The following RABEPK variants were observed in gnomAD, a reference collection of about 807,000 sequenced individuals.
RABEPK encodes Rab9 effector protein with kelch motifs.
In RABEPK, 27 loss-of-function variants were observed where a neutral mutation model predicts 34.1. The ratio of observed to expected loss-of-function variants is 0.79; its 90% CI spans 0.58 to 1.09. The LOEUF (loss-of-function observed/expected upper bound fraction) is 1.09. Among genes scored for constraint, RABEPK ranks in the 50% least tolerant of loss-of-function variants. The pLI, the probability that RABEPK is intolerant of heterozygous loss-of-function variation, is 0.00. For synonymous variants in RABEPK, 172 were observed against 169.2 expected (o/e 1.02, Z -0.13); for missense variants, 449 against 462.6 (o/e 0.97, Z 0.27).
At chr9:125,206,368 C>T (rs1355076884) in intron 2 of RABEPK, among the ~76,000 whole-genome samples, 3 of 151,944 alleles carry the variant, frequency 2.0e-5, no homozygotes, top group Admixed American at 6.6e-5. Context: ...CATGGTGGTG[C>T]GCGCCTGTAG....
chr9:125,205,400 T>C (rs781011703), intron 2 of RABEPK, among the ~76,000 whole-genome samples: 8 of 152,254 alleles, frequency 5.3e-5, no homozygotes, highest in Non-Finnish European at 1.0e-4. Flanking sequence ...GATGGCTGTG[T>C]GCTTTTGGTA....
chr9:125,201,112 AT>A (rs1322600975), intron 1 of RABEPK, among the ~76,000 whole-genome samples: 29 of 152,204 alleles, frequency 1.9e-4, no homozygotes, highest in Non-Finnish European at 3.7e-4. Flanking sequence ...GATTCCTGCA[AT>A]GGTGATGGCT....
chr9:125,207,065 G>A (rs1830270489), intron 2 of RABEPK, among the ~76,000 whole-genome samples: 1 of 151,018 alleles, frequency 6.6e-6, no homozygotes, highest in African/African-American at 2.4e-5. Context: ...CTCCAGCCTG[G>A]GCAACAAGAG....
intron 5 of RABEPK, among the ~76,000 whole-genome samples, chr9:125,222,558 C>CA (rs1334809246): frequency 1.3e-5 from 2 of 151,290 alleles, no homozygotes; most frequent in African/African-American, 2.4e-5. Flanking sequence ...ACTAAAAATA[C>CA]AAAAAATTAA....
At chr9:125,201,649 T>C (rs148248278) in intron 1 of RABEPK, among the ~76,000 whole-genome samples, 78 of 152,156 alleles carry the variant, frequency 5.1e-4, no homozygotes, top group African/African-American at 1.7e-3. Context: ...AGTCTTGCTC[T>C]GTCGCCAGGC....
In RABEPK at chr9:125,202,458, G is replaced by T. The variant is rs1341376917; in HGVS notation, c.-6-550G>T. The stretch of plus-strand genomic sequence containing the variant: ...AATCATTTAAACCTGGGAGGGGAAG[G>T]TTGCAGTGAGTGGAGATTGCACCAC... On this transcript the variant is annotated intron_variant, in intron 1 of 7. Transcript: ENST00000373538. Among the ~76,000 whole-genome samples the T allele has an allele frequency of 2.6e-5, 4 of 151,994 alleles. No homozygotes were observed. In the East Asian group the frequency reaches 7.8e-4, roughly 29 times the overall value.
chr9:125,226,707 T>G (rs981432517), intron 5 of RABEPK, among the ~76,000 whole-genome samples: 1 of 149,458 alleles, frequency 6.7e-6, no homozygotes, highest in Non-Finnish European at 1.5e-5. Context: ...CAATTAAAAA[T>G]AGAAAAATTA....
chr9:125,218,088 GA>G (rs1336534326), intron 4 of RABEPK, among the ~76,000 whole-genome samples: 4 of 151,378 alleles, frequency 2.6e-5, no homozygotes, highest in African/African-American at 9.7e-5. Context: ...GAGGCGGGCA[GA>G]TCAGGAGGTC....
At position 125,213,386 on chromosome 9, in the gene RABEPK, C is replaced by T; in HGVS notation, c.228C>T (p.Asp76=). ...HTMDLGKHQW[D]LDTCKGLLPR... Reference sequence around the variant, plus strand: ...GTTTTCCAGGAAAACACCAGTGGGACTTAGATACCTGCAAGGGCCTCTTGC... The same window carrying T: ...GTTTTCCAGGAAAACACCAGTGGGATTTAGATACCTGCAAGGGCCTCTTGC... The change falls in exon 4 of 8, where the codon GAC becomes GAT. Residue 76 remains aspartate (D), a synonymous_variant. Coordinates refer to ENST00000373538, the MANE Select transcript of RABEPK (RefSeq NM_005833.4). 1 of 1,612,244 alleles carries T rather than the reference C, an allele frequency of 6.2e-7. No homozygotes were observed. Among genetic ancestry groups the T allele is most frequent in the Non-Finnish European group, 8.5e-7 (1 of 1,179,454 alleles).
At chr9:125,231,298 G>GA (rs60998992) in intron 6 of RABEPK, among the ~76,000 whole-genome samples, 7,529 of 150,688 alleles carry the variant, frequency 0.05, 571 homozygotes, top group African/African-American at 0.16. Flanking sequence ...TGTCTCAAAA[G>GA]AAAAAAAAAT....
intron 4 of RABEPK, among the ~76,000 whole-genome samples, chr9:125,219,761 G>C (rs1466697114): frequency 1.3e-5 from 2 of 151,928 alleles, no homozygotes; most frequent in Non-Finnish European, 2.9e-5. Context: ...CAAACTCCTG[G>C]GCTCAAGCAA....
At chr9:125,227,888 G>A in intron 5 of RABEPK, 22 bp from the exon 6 acceptor site, 10 of 1,517,770 alleles carry the variant, frequency 6.6e-6, no homozygotes, top group Non-Finnish European at 8.9e-6. Context: ...GCCATTTGAT[G>A]TTATTGAATT....
chr9:125,202,845 A>G (rs1202383595), intron 1 of RABEPK, among the ~76,000 whole-genome samples, 163 bp from the exon 2 acceptor site: 1 of 152,086 alleles, frequency 6.6e-6, no homozygotes, highest in African/African-American at 2.4e-5. Flanking sequence ...AAATAAATAA[A>G]TAAATAAATA....
At chr9:125,208,354 A>T (rs528566382) in intron 3 of RABEPK, among the ~76,000 whole-genome samples, 1 of 151,952 alleles carries the variant, frequency 6.6e-6, no homozygotes, top group Non-Finnish European at 1.5e-5. Context: ...TAAGCCCTAC[A>T]TATCTCTTTT....
At chr9:125,225,498 A>T (rs1187082566) in intron 5 of RABEPK, among the ~76,000 whole-genome samples, 1 of 151,984 alleles carries the variant, frequency 6.6e-6, no homozygotes, top group Non-Finnish European at 1.5e-5. Flanking sequence ...AGCCTAGCCA[A>T]CATGGCAAAA....
At chr9:125,212,173 T>C (rs576128376) in intron 3 of RABEPK, among the ~76,000 whole-genome samples, 2 of 152,316 alleles carry the variant, frequency 1.3e-5, no homozygotes, top group South Asian at 2.1e-4. Flanking sequence ...AAAGGTCTTG[T>C]GTAATTGGTT....
At chr9:125,218,264 G>C (rs1032085768) in intron 4 of RABEPK, among the ~76,000 whole-genome samples, 2 of 138,004 alleles carry the variant, frequency 1.4e-5, no homozygotes, top group Non-Finnish European at 3.0e-5. Context: ...AGCTTGCAAA[G>C]TGAGCCGAGA....
Position 125,200,829 on chromosome 9 carries a change from C to A in RABEPK, c.-84C>A. ...GCTGGGCTGGTAGCGGCGGCTGCTG[C>A]GGGAGGTCCCGCCCACGTGAAGCCA... On this transcript the variant is annotated 5_prime_UTR_variant, in exon 1 of 8. Transcript: ENST00000373538. 2.1e-6 allele frequency: 1 copy of A among 471,222 alleles called. No homozygotes were observed. The highest frequency in any genetic ancestry group is 1.5e-5 in the South Asian group (1 of 64,578). 29.2% of individuals were successfully genotyped at this position (471,222 alleles called of 1,614,324 possible). A position where few individuals can be genotyped will look rare whatever the true frequency, so the allele number is the denominator to read the frequency against.
Position 125,213,351 on chromosome 9 carries a change from T to G in RABEPK, c.212-19T>G, listed in dbSNP as rs780381989. 2 of 1,606,294 alleles carry G rather than the reference T, an allele frequency of 1.2e-6. No homozygotes were observed. The highest frequency in any genetic ancestry group is 1.7e-6 in the Non-Finnish European group (2 of 1,177,192). ...TAATTGGCAGCCCCAATCTAGGAACTGGGTGAAATGTTTTCCAGGAAAACA... is the reference window on the plus strand; with the variant it reads ...TAATTGGCAGCCCCAATCTAGGAACGGGGTGAAATGTTTTCCAGGAAAACA... On this transcript the variant is annotated intron_variant, in intron 3 of 7. Transcript: ENST00000373538.
Sources: allele counts gnomAD v4.1 joint callset (sites outside exome capture counted in the v4.1 genomes callset), GRCh38; gene constraint gnomAD v4.1.1; transcripts MANE v1.5; gene names NCBI Gene and HGNC (gene_info 2026-07-23, HGNC 2026-07-21).